Variants in ISM1 observed in about 807,000 individuals in gnomAD.
ISM1 encodes the protein isthmin 1, also known as isthmin-1.
A neutral mutation model predicts 46.3 loss-of-function variants in ISM1; 25 were observed. That is an observed-to-expected ratio of 0.54 (90% CI 0.39 to 0.75). ISM1 has a LOEUF of 0.75. Among genes scored for constraint, ISM1 ranks in the 30% least tolerant of loss-of-function variants. ISM1 has a pLI of 0.00. For missense variants in ISM1, 536 were observed against 625.4 expected, an observed-to-expected ratio of 0.86 and a Z score of 1.52; for synonymous variants, 255 against 256.7, an observed-to-expected ratio of 0.99 and a Z score of 0.06.
At chr20:13,225,066 G>A (rs1444581064) in intron 1 of ISM1, among the ~76,000 whole-genome samples, 4 of 150,756 alleles carry the variant, frequency 2.7e-5, no homozygotes, top group African/African-American at 7.3e-5. Context: ...TGTTAGCCAG[G>A]ATGGTCTCAC....
At chr20:13,261,043 C>CA (rs969912875) in intron 1 of ISM1, among the ~76,000 whole-genome samples, 9 of 149,520 alleles carry the variant, frequency 6.0e-5, no homozygotes, top group African/African-American at 1.2e-4. Context: ...TTCCAAAGAG[C>CA]AAAAAAAAAT....
chr20:13,254,226 C>A (rs1229841551), intron 1 of ISM1, among the ~76,000 whole-genome samples: 2 of 149,366 alleles, frequency 1.3e-5, no homozygotes, highest in Non-Finnish European at 3.0e-5. Context: ...GAGCAAAACT[C>A]CATCTCAAAA....
At chr20:13,242,423 A>G (rs1407333) in intron 1 of ISM1, among the ~76,000 whole-genome samples, 38,100 of 151,914 alleles carry the variant, frequency 0.25, 4,819 homozygotes, top group African/African-American at 0.3. Flanking sequence ...TTAGCCATGG[A>G]ACCAAGAAGA....
At chr20:13,253,793 TG>T (rs1159181796) in intron 1 of ISM1, among the ~76,000 whole-genome samples, 2 of 152,008 alleles carry the variant, frequency 1.3e-5, no homozygotes, top group Non-Finnish European at 2.9e-5. Flanking sequence ...TAGGAAACAA[TG>T]GGCTAGTTCA....
chr20:13,285,984 G>C (rs1393251966), intron 3 of ISM1, among the ~76,000 whole-genome samples: 1 of 152,134 alleles, frequency 6.6e-6, no homozygotes, highest in African/African-American at 2.4e-5. Context: ...AACACCATTT[G>C]GCATCATTGG....
intron 2 of ISM1, among the ~76,000 whole-genome samples, chr20:13,273,221 T>C (rs1033024032): frequency 1.4e-5 from 2 of 146,100 alleles, no homozygotes; most frequent in Non-Finnish European, 3.0e-5. Context: ...GTCTTTTTTA[T>C]TTTATTTTAT....
intron 3 of ISM1, among the ~76,000 whole-genome samples, chr20:13,280,290 G>A (rs574652416): frequency 6.6e-5 from 10 of 151,506 alleles, no homozygotes; most frequent in South Asian, 2.1e-4. Context: ...AGATACGTAC[G>A]GCTGCTTCCT....
downstream of ISM1, among the ~76,000 whole-genome samples, chr20:13,301,187 G>C (rs879711338): frequency 1.3e-5 from 2 of 151,912 alleles, no homozygotes; most frequent in Admixed American, 6.6e-5. Flanking sequence ...CTTTTTACCA[G>C]TCATTTACAC....
intron 1 of ISM1, among the ~76,000 whole-genome samples, chr20:13,223,026 G>A (rs1256398948): frequency 6.6e-6 from 1 of 152,112 alleles, no homozygotes; most frequent in Non-Finnish European, 1.5e-5. Flanking sequence ...AGCTGGGCGT[G>A]GTGGCGCACG....
chr20:13,238,596 C>A (rs1380847539), intron 1 of ISM1, among the ~76,000 whole-genome samples: 1 of 152,118 alleles, frequency 6.6e-6, no homozygotes, highest in Non-Finnish European at 1.5e-5. Flanking sequence ...TAGAAAACAA[C>A]AAAGTTGTTT....
At chr20:13,280,981 C>T (rs1407339) in intron 3 of ISM1, among the ~76,000 whole-genome samples, 67,895 of 152,074 alleles carry the variant, frequency 0.45, 16,404 homozygotes, top group African/African-American at 0.65. Context: ...ACTTGTCTTA[C>T]ACCATTTGCA....
chr20:13,293,932 C>A (rs963851231), intron 5 of ISM1, among the ~76,000 whole-genome samples: 1 of 151,878 alleles, frequency 6.6e-6, no homozygotes, highest in African/African-American at 2.4e-5. Context: ...CGAGATCACA[C>A]CATTGCACTC....
chr20:13,310,198 G>A, the ISM1 span, among the ~76,000 whole-genome samples: 3 of 152,138 alleles, frequency 2.0e-5, no homozygotes, highest in African/African-American at 7.2e-5. Flanking sequence ...TACTACAAAG[G>A]TGTAGTAATC....
intron 1 of ISM1, among the ~76,000 whole-genome samples, chr20:13,225,062 C>T (rs1002828407): frequency 1.8e-4 from 27 of 150,442 alleles, no homozygotes; most frequent in South Asian, 1.3e-3. Flanking sequence ...ACCGTGTTAG[C>T]CAGGATGGTC....
chr20:13,298,920 G>T (rs2040433108), intron 5 of ISM1, 22 bp from the exon 6 acceptor site: 2 of 1,609,626 alleles, frequency 1.2e-6, no homozygotes, highest in Admixed American at 3.3e-5. Context: ...CGGTGAGAGG[G>T]TTTCTCTTTG....
chr20:13,280,088 A>G (rs1298242992), intron 3 of ISM1, among the ~76,000 whole-genome samples, 190 bp downstream of exon 3: 2 of 152,208 alleles, frequency 1.3e-5, no homozygotes, highest in Non-Finnish European at 2.9e-5. Flanking sequence ...TGGAAAGACT[A>G]TAATTTTAAA....
chr20:13,266,885 GC>G (rs1222048317), intron 1 of ISM1, among the ~76,000 whole-genome samples: 1 of 152,200 alleles, frequency 6.6e-6, no homozygotes, highest in Admixed American at 6.5e-5. Flanking sequence ...CTTGGTAATA[GC>G]TGGACTGATG....
At chr20:13,306,605 A>G in the ISM1 span, among the ~76,000 whole-genome samples, 2 of 151,718 alleles carry the variant, frequency 1.3e-5, no homozygotes, top group Non-Finnish European at 1.5e-5. Context: ...AATAAAACAA[A>G]GACTTCCAGG....
intron 1 of ISM1, among the ~76,000 whole-genome samples, chr20:13,240,214 A>G (rs986563863): frequency 1.3e-5 from 2 of 152,350 alleles, no homozygotes; most frequent in Middle Eastern, 3.4e-3. Context: ...TGGAGATTCA[A>G]TAGAGAACAA....
Sources: gnomAD v4.1 joint callset for allele counts (sites outside exome capture counted in the v4.1 genomes callset) on GRCh38, gnomAD v4.1.1 for gene constraint, MANE v1.5 for transcripts, NCBI Gene and HGNC (gene_info 2026-07-23, HGNC 2026-07-21) for gene names.